Variants in SETD5 observed in about 807,000 individuals in gnomAD.
SETD5 encodes the protein histone-lysine N-methyltransferase SETD5.
In SETD5, 44 loss-of-function variants were observed where a neutral mutation model predicts 153.3. The observed-to-expected ratio is 0.29, with a 90% CI of 0.23 to 0.37. The LOEUF (loss-of-function observed/expected upper bound fraction) is 0.37. Among genes scored for constraint, SETD5 ranks in the 10% least tolerant of loss-of-function variants. The pLI is 1.00. For missense variants in SETD5, 1,544 were observed against 1,768.0 expected (o/e 0.87, Z 2.27); for synonymous variants, 716 against 645.2 (o/e 1.11, Z -1.66).
At chr3:9,447,001 C>G in intron 13 of SETD5, 49 bp from the exon 14 acceptor site, 3 of 1,416,936 alleles carry the variant, frequency 2.1e-6, no homozygotes, top group Non-Finnish European at 2.9e-6. Context: ...AAGCTATCCA[C>G]TCGTCCTCAT....
intron 10 of SETD5, 71 bp from the exon 11 acceptor site, chr3:9,443,237 A>G (rs1033736361): frequency 9.3e-7 from 1 of 1,075,474 alleles, no homozygotes; most frequent in Non-Finnish European, 1.4e-6. Context: ...GAGAGAAAGT[A>G]TGGTTTTTTT....
At chr3:9,468,679 G>T in intron 18 of SETD5, 1 of 1,074,566 alleles carries the variant, frequency 9.3e-7, no homozygotes. Context: ...TCAGTGGGGT[G>T]ATGGGCTGGA....
intron 17 of SETD5, among the ~76,000 whole-genome samples, chr3:9,457,237 C>A (rs1232744618): frequency 6.6e-6 from 1 of 151,988 alleles, no homozygotes; most frequent in Non-Finnish European, 1.5e-5. Flanking sequence ...GCCTGTAATC[C>A]CAGCACTTTG....
At chr3:9,429,858 C>A in intron 3 of SETD5, 2 of 1,303,758 alleles carry the variant, frequency 1.5e-6, no homozygotes, top group Non-Finnish European at 2.0e-6. Flanking sequence ...CCTTTCAAGA[C>A]GAAGTGGCAC....
chr3:9,401,004 T>C (rs139863111), intron 1 of SETD5, among the ~76,000 whole-genome samples: 43 of 152,394 alleles, frequency 2.8e-4, no homozygotes, highest in African/African-American at 1.0e-3. Context: ...CTCAGAATTT[T>C]GATTTGTTCA....
chr3:9,448,429 A>T lies in SETD5; in HGVS notation c.2145A>T (p.Gln715His). The T allele has an allele frequency of 1.9e-6, 3 of 1,614,022 alleles. No individual in the cohort carries two copies. The highest frequency in any genetic ancestry group is 2.5e-6 in the Non-Finnish European group (3 of 1,179,876). Residue 715 changes from glutamine (Q) to histidine (H), a missense_variant, in exon 16 of 23, where the codon CAA (glutamine) becomes CAT (histidine). Transcript: ENST00000402198. ...TEWLNDKAEK[Q>H]ECPVECPLRI... ...GGTTGAATGACAAAGCAGAGAAGCA[A>T]GAGTGCCCTGTTGAGTGCCCTTTAC... is the stretch of plus-strand genomic sequence containing the variant.
chr3:9,420,227 C>A (rs927284087), intron 1 of SETD5, among the ~76,000 whole-genome samples: 1 of 151,906 alleles, frequency 6.6e-6, no homozygotes, highest in African/African-American at 2.4e-5. Context: ...AATTTATGAT[C>A]ACAATATTTA....
In SETD5 at chr3:9,453,800, C is replaced by T. The variant is rs1035641407; in HGVS notation, c.2408C>T (p.Thr803Ile). The T allele has an allele frequency of 1.9e-6, 3 of 1,610,032 alleles. No individual in the cohort carries two copies. Among genetic ancestry groups the T allele is most frequent in the Admixed American group, 3.4e-5 (2 of 58,762 alleles). ...MTQTSSVPQE[T>I]RTQHLYQSNE... ...CAAACATCATCTGTACCCCAAGAGA[C>T]TAGAACTCAGCACCTATACCAAAGC... The change falls in exon 17 of 23, where the codon ACT (threonine) becomes ATT (isoleucine). Residue 803 changes from threonine (T) to isoleucine (I), a missense_variant. Around this residue, in one of 9 missense-constraint regions of SETD5, gnomAD observed 782 missense variants for 787.2 expected, o/e 0.99. Transcript: ENST00000402198.
At chr3:9,450,450 A>T (rs1234873660) in intron 16 of SETD5, among the ~76,000 whole-genome samples, 2 of 152,228 alleles carry the variant, frequency 1.3e-5, no homozygotes, top group Non-Finnish European at 2.9e-5. Context: ...TGCTGTTCAC[A>T]TATCAAGATT....
rs892874179 is a variant in SETD5, at chr3:9,417,789, C to CT, written c.-176-6665dup. On this transcript the variant is annotated intron_variant, in intron 1 of 22. Coordinates refer to ENST00000402198, the MANE Select transcript of SETD5 (RefSeq NM_001080517.3). The stretch of plus-strand genomic sequence containing the variant: ...CGGGATCCACTGCGCCTGGCCAAGT[C>CT]TTTTTTTTTTTTTAATTATTTTATT... Among the ~76,000 whole-genome samples the CT allele has an allele frequency of 9.3e-4, 132 of 141,586 alleles. 1 individual carries two copies. The highest frequency in any genetic ancestry group is 1.4e-3 in the African/African-American group (53 of 38,922). 92.9% of individuals were successfully genotyped at this position (141,586 alleles called of 152,430 possible).
intron 16 of SETD5, among the ~76,000 whole-genome samples, chr3:9,450,053 G>T (rs752647850): frequency 2.0e-5 from 3 of 152,192 alleles, no homozygotes; most frequent in Admixed American, 6.5e-5. Flanking sequence ...CTAATGCTGG[G>T]TTGCAGTCTT....
At position 9,407,971 on chromosome 3, in the gene SETD5, G is replaced by A. The variant is rs376722854; in HGVS notation, c.-177+9994G>A. 1.3e-4 allele frequency among the ~76,000 whole-genome samples: 19 copies of A among 149,378 alleles called. No individual in the cohort carries two copies. In the East Asian group the frequency reaches 3.8e-3, roughly 30 times the overall value. On this transcript the variant is annotated intron_variant, in intron 1 of 22. Coordinates refer to ENST00000402198, the MANE Select transcript of SETD5 (RefSeq NM_001080517.3). ...GCTGAGATTGCGCCATTGTATTCCA[G>A]CCTGGGCAACAAGAGCAAAACTATG...
At position 9,475,964 on chromosome 3, in the gene SETD5, A is replaced by G. The variant is rs371489622; in HGVS notation, c.4202A>G (p.Gln1401Arg). 1 of 1,613,998 alleles carries G rather than the reference A, an allele frequency of 6.2e-7. No homozygotes were observed. Among genetic ancestry groups the G allele is most frequent in the Non-Finnish European group, 8.5e-7 (1 of 1,179,892 alleles). ...LPSAGQSAVY[Q>R]ASRVSAVSNS... ...AGTGCTGGGCAGTCAGCTGTCTACC[A>G]GGCCTCCAGGGTATCTGCGGTTTCC... Residue 1401 changes from glutamine to arginine, a missense_variant, in exon 23 of 23, where the codon CAG becomes CGG. Gln to Arg is a conservative substitution (Grantham distance 43). Around this residue, in one of 9 missense-constraint regions of SETD5, gnomAD observed 302 missense variants for 277.6 expected, o/e 1.09. Transcript: ENST00000402198.
At chr3:9,451,810 G>T (rs772454661) in intron 16 of SETD5, among the ~76,000 whole-genome samples, 1 of 152,102 alleles carries the variant, frequency 6.6e-6, no homozygotes, top group African/African-American at 2.4e-5. Context: ...TTGCTCTTTC[G>T]CCATAATAGC....
At chr3:9,444,629 G>A (rs551463931) in intron 11 of SETD5, among the ~76,000 whole-genome samples, 84 of 152,074 alleles carry the variant, frequency 5.5e-4, no homozygotes, top group Admixed American at 1.5e-3. Flanking sequence ...GGTGACTGAC[G>A]CCTGTAATCC....
At chr3:9,436,402 C>T (rs541810367) in intron 7 of SETD5, among the ~76,000 whole-genome samples, 17 of 152,318 alleles carry the variant, frequency 1.1e-4, no homozygotes, top group South Asian at 8.3e-4. Flanking sequence ...AAAATGTCTA[C>T]GGGAGAAACT....
chr3:9,448,777 G>T (rs1373508992), intron 16 of SETD5, 147 bp downstream of exon 16: 13 of 763,370 alleles, frequency 1.7e-5, no homozygotes, highest in Middle Eastern at 5.3e-4. Flanking sequence ...TAGTTGTTCA[G>T]CCATAAATAC....
chr3:9,409,566 A>G (rs2036235770), intron 1 of SETD5, among the ~76,000 whole-genome samples: 1 of 151,988 alleles, frequency 6.6e-6, no homozygotes. Flanking sequence ...CTATTACTAG[A>G]TGTTCTAGGA....
At position 9,455,168 on chromosome 3, in the gene SETD5, C is replaced by CTTTTTTTTT. The variant is rs903600741; in HGVS notation, c.2476+1314_2476+1322dup. Among the ~76,000 whole-genome samples, 888 of 99,854 alleles carry CTTTTTTTTT rather than the reference C, an allele frequency of 8.9e-3. 1 individual carries two copies. Among genetic ancestry groups the CTTTTTTTTT allele is most frequent in the African/African-American group, 0.011 (270 of 25,258 alleles). 65.5% of individuals were successfully genotyped at this position (99,854 alleles called of 152,430 possible). ...GTGAATTGCCTTTTTTTCTTTTTTT[C>CTTTTTTTTT]TTTTTTTTTTTTTTTTTTTTTTGAA... On this transcript the variant is annotated intron_variant, in intron 17 of 22. Coordinates refer to ENST00000402198, the MANE Select transcript of SETD5 (RefSeq NM_001080517.3).
Sources: allele counts gnomAD v4.1 joint callset (sites outside exome capture counted in the v4.1 genomes callset), GRCh38; gene constraint gnomAD v4.1.1; regional missense constraint gnomAD v4.1.1; transcripts MANE v1.5; gene names NCBI Gene and HGNC (gene_info 2026-07-23, HGNC 2026-07-21).